GGT1: variants seen among roughly 807,000 people sequenced by gnomAD.
GGT1 encodes the protein gamma-glutamyltransferase 1.
In GGT1, 21 loss-of-function variants were observed where a neutral mutation model predicts 56.0. That is an observed-to-expected ratio of 0.38 (90% CI 0.27 to 0.54). GGT1 has a LOEUF of 0.54. Among genes scored for constraint, GGT1 ranks in the 20% least tolerant of loss-of-function variants. The pLI, the probability that GGT1 is intolerant of heterozygous loss-of-function variation, is 0.82. For synonymous variants in GGT1, 238 were observed against 342.6 expected, an observed-to-expected ratio of 0.69 and a Z score of 3.37; for missense variants, 466 against 787.0, an observed-to-expected ratio of 0.59 and a Z score of 4.88.
chr22:24,620,917 G>A lies in GGT1; in HGVS notation c.580G>A (p.Val194Met). The A allele has an allele frequency of 1.2e-6, 2 of 1,611,958 alleles. No homozygotes were observed. The highest frequency in any genetic ancestry group is 8.5e-7 in the Non-Finnish European group (1 of 1,179,828). ...CATGAGCCCCCTCTGCCCCAGTGAGGTGTTCTGCCGGGATAGAAAGGTGCT... is the reference window on the plus strand; with the variant it reads ...CATGAGCCCCCTCTGCCCCAGTGAGATGTTCTGCCGGGATAGAAAGGTGCT... ...VIEQQPVLCEVFCRDRKVLRE... is the reference protein window; with the variant it reads ...VIEQQPVLCEMFCRDRKVLRE... The change falls in exon 9 of 16, where the codon GTG becomes ATG. Residue 194 changes from valine to methionine, a missense_variant. This residue lies in a region of GGT1 where 456 missense variants were observed against 716.7 expected (regional missense o/e 0.64). Coordinates refer to ENST00000400382, the MANE Select transcript of GGT1 (RefSeq NM_001288833.2). The surrounding 1 kb of genome is among the most constrained non-coding windows in gnomAD (Gnocchi z 5.6).
At chr22:24,619,510 A>G (rs545374475) in intron 7 of GGT1, among the ~76,000 whole-genome samples, 19 of 152,080 alleles carry the variant, frequency 1.2e-4, no homozygotes, top group Admixed American at 1.0e-3. Flanking sequence ...CCAAGGCTGC[A>G]GTGAGCCATG....
At chr22:24,588,443 G>A in the GGT1 span, 1 of 842,276 alleles carries the variant, frequency 1.2e-6, no homozygotes, top group South Asian at 1.6e-5. Context: ...CATGCACCAT[G>A]CATCACCGAG....
At chr22:24,592,948 C>A (rs1291756938), upstream of GGT1, 6 of 1,223,474 alleles carry the variant, frequency 4.9e-6, no homozygotes, top group Non-Finnish European at 6.1e-6. Context: ...CCACCGCACC[C>A]GGCGCTCGTA....
Position 24,617,651 on chromosome 22 carries a change from G to T in GGT1, c.382+2524G>T, listed in dbSNP as rs564043483. On this transcript the variant is annotated intron_variant, in intron 7 of 15. Transcript: ENST00000400382. The stretch of plus-strand genomic sequence containing the variant: ...GATGGGGTGACCCTAATGGAGACAG[G>T]CAGGGTTCTCAGGAAGCAGGTTGAG... Among the ~76,000 whole-genome samples the T allele has an allele frequency of 7.9e-5, 12 of 152,036 alleles. No individual in the cohort carries two copies. The East Asian group carries it at 2.3e-3, about 29-fold the overall frequency.
At position 24,624,510 on chromosome 22, in the gene GGT1, G is replaced by A. The variant is rs1350813508; in HGVS notation, c.1020+594G>A. The A allele has an allele frequency of 1.1e-4, 107 of 940,146 alleles. 1 individual carries two copies. Among genetic ancestry groups the A allele is most frequent in the Non-Finnish European group, 1.3e-4 (103 of 792,972 alleles). The allele number at this position is 940,146 out of a possible 1,614,324, so 58.2% of individuals were successfully genotyped here. A position where few individuals can be genotyped will look rare whatever the true frequency, so the allele number is the denominator to read the frequency against. ...TGACCAGTGACCTCCCAGGAGGGGC[G>A]TCAGCTGCCCAGGTGGTGTCTTCTC... On this transcript the variant is annotated intron_variant, in intron 11 of 15. Transcript: ENST00000400382.
At chr22:24,588,381 C>A in the GGT1 span, 1 of 1,421,342 alleles carries the variant, frequency 7.0e-7, no homozygotes, top group Non-Finnish European at 9.9e-7. Flanking sequence ...CTGCCCACCT[C>A]AGGGCCTTGG....
At chr22:24,594,147 C>T (rs1467894800), upstream of GGT1, among the ~76,000 whole-genome samples, 1 of 152,196 alleles carries the variant, frequency 6.6e-6, no homozygotes, top group African/African-American at 2.4e-5. Context: ...TCCCACTTCC[C>T]AGGGCTCCCT....
the GGT1 span, chr22:24,586,543 T>C: frequency 1.5e-5 from 15 of 1,034,040 alleles, no homozygotes; most frequent in South Asian, 6.3e-5. Context: ...GTCTTTCGTA[T>C]TTTTTGAGAC....
chr22:24,588,482 C>A, the GGT1 span: 1 of 766,590 alleles, frequency 1.3e-6, no homozygotes, highest in Non-Finnish European at 2.1e-6. Flanking sequence ...CCCTCCTACC[C>A]CCCAACCCGG....
chr22:24,598,530 A>G (rs73404962), upstream of GGT1, among the ~76,000 whole-genome samples: 2,186 of 151,928 alleles, frequency 0.014, 57 homozygotes, highest in African/African-American at 0.05. Context: ...GAAGACTCCT[A>G]AGTACAGAAG....
upstream of GGT1, chr22:24,592,948 C>T: frequency 1.6e-6 from 2 of 1,223,586 alleles, no homozygotes; most frequent in South Asian, 3.2e-5. Flanking sequence ...CCACCGCACC[C>T]GGCGCTCGTA....
Position 24,620,416 on chromosome 22 carries a change from C to T in GGT1, c.471C>T (p.Phe157=). 6.2e-7 allele frequency: 1 copy of T among 1,611,478 alleles called. No homozygotes were observed. Among genetic ancestry groups the T allele is most frequent in the South Asian group, 1.1e-5 (1 of 90,976 alleles). Reference sequence around the variant, plus strand: ...GGCGGCTGCCCTGGGCTCGCCTCTTCCAGCCCAGCATCCAGCTGGCCCGCC... The same window carrying T: ...GGCGGCTGCCCTGGGCTCGCCTCTTTCAGCCCAGCATCCAGCTGGCCCGCC... ...RHGRLPWARL[F]QPSIQLARQG... The change falls in exon 8 of 16, where the codon TTC becomes TTT. Residue 157 remains phenylalanine (F), a synonymous_variant. Transcript: ENST00000400382. The surrounding 1 kb of genome is among the most constrained non-coding windows in gnomAD (Gnocchi z 5.6).
intron 7 of GGT1, among the ~76,000 whole-genome samples, chr22:24,617,068 G>A (rs1265817318): frequency 6.6e-6 from 1 of 152,216 alleles, no homozygotes; most frequent in African/African-American, 2.4e-5. Flanking sequence ...CACTCCAGGT[G>A]GGAGGAGAAA....
At chr22:24,587,244 A>G in the GGT1 span, among the ~76,000 whole-genome samples, 3 of 152,198 alleles carry the variant, frequency 2.0e-5, no homozygotes, top group East Asian at 5.8e-4. Context: ...CAGTAGTGAA[A>G]GGGGAGGTCC....
In GGT1 at chr22:24,620,282, C is replaced by T. The variant is rs560534438; in HGVS notation, c.383-46C>T. ...CTGGGATGCTGCCTGCGAGAGATCC[C>T]GATGTCCCCCACTCAGGGTCACTAA... On this transcript the variant is annotated intron_variant, in intron 7 of 15. Coordinates refer to ENST00000400382, the MANE Select transcript of GGT1 (RefSeq NM_001288833.2). The surrounding 1 kb of genome is among the most constrained non-coding windows in gnomAD (Gnocchi z 5.6). The T allele has an allele frequency of 1.5e-4, 240 of 1,598,426 alleles. No homozygotes were observed. The highest frequency in any genetic ancestry group is 2.0e-4 in the Non-Finnish European group (231 of 1,174,160).
chr22:24,605,206 T>A lies in GGT1; in HGVS notation c.-429+1679T>A, dbSNP rs182694393. On this transcript the variant is annotated intron_variant, in intron 1 of 15. Transcript: ENST00000400382. ...TATATTATATAATATATAATATGTA[T>A]TATATTATATATTATATAATATGTA... Among the ~76,000 whole-genome samples, 45 of 4,574 alleles carry A rather than the reference T, an allele frequency of 9.8e-3. 6 individuals are homozygous for A. The highest frequency in any genetic ancestry group is 0.059 in the East Asian group (21 of 356). The allele number at this position is 4,574 out of a possible 152,430, so 3.0% of individuals were successfully genotyped here. A position where few individuals can be genotyped will look rare whatever the true frequency, so the allele number is the denominator to read the frequency against.
chr22:24,618,670 G>T (rs2047218863), intron 7 of GGT1, among the ~76,000 whole-genome samples: 1 of 152,220 alleles, frequency 6.6e-6, no homozygotes, highest in South Asian at 2.1e-4. Flanking sequence ...ATCATGTGCT[G>T]GGTGTCAGAC....
chr22:24,613,051 C>T (rs78207935), intron 5 of GGT1, among the ~76,000 whole-genome samples: 1 of 151,988 alleles, frequency 6.6e-6, no homozygotes, highest in African/African-American at 2.4e-5. Flanking sequence ...TCAGTTCCCT[C>T]CTAAAGACTT....
intron 1 of GGT1, 120 bp from the exon 2 acceptor site, chr22:24,607,834 G>A (rs1400322832): frequency 2.8e-5 from 10 of 357,196 alleles, no homozygotes; most frequent in Admixed American, 2.8e-4. Context: ...GAGGCCCCCT[G>A]AGGAGTGCTG....
Sources: gnomAD v4.1 joint callset for allele counts (sites outside exome capture counted in the v4.1 genomes callset) on GRCh38, gnomAD v4.1.1 for gene constraint, gnomAD v4.1.1 regional missense constraint, Gnocchi (gnomAD v3.1) non-coding constraint, MANE v1.5 for transcripts, NCBI Gene and HGNC (gene_info 2026-07-23, HGNC 2026-07-21) for gene names.